ANKFN1: variants seen among roughly 807,000 people sequenced by gnomAD.
ANKFN1 encodes the protein ankyrin repeat and fibronectin type-III domain-containing protein 1.
Under a neutral mutation model 108.7 loss-of-function variants are expected in ANKFN1, and 74 were observed. The observed-to-expected ratio is 0.68, with a 90% CI of 0.56 to 0.83. The LOEUF (loss-of-function observed/expected upper bound fraction) is 0.83. Among genes scored for constraint, ANKFN1 ranks in the 40% least tolerant of loss-of-function variants. The probability of loss-of-function intolerance (pLI) is 0.00; values close to 1 mark genes in which losing one functional copy is unlikely to be tolerated. For missense variants in ANKFN1, 1,505 were observed against 1,382.3 expected (o/e 1.09, Z -1.41); for synonymous variants, 547 against 516.2 (o/e 1.06, Z -0.81).
intron 15 of ANKFN1, chr17:56,472,999 T>C (rs1344189325): frequency 6.6e-6 from 1 of 152,194 alleles, no homozygotes; most frequent in African/African-American, 2.4e-5. Flanking sequence ...AGGCCCACAA[T>C]AGGCCTTACA....
chr17:56,312,967 C>G (rs2045081881), intron 3 of ANKFN1, among the ~76,000 whole-genome samples: 1 of 151,888 alleles, frequency 6.6e-6, no homozygotes, highest in Admixed American at 6.6e-5. Context: ...CCAGCCTGGC[C>G]AAGGTGATGA....
chr17:56,437,436 G>C (rs1300657006), intron 8 of ANKFN1, among the ~76,000 whole-genome samples: 1 of 152,164 alleles, frequency 6.6e-6, no homozygotes, highest in East Asian at 1.9e-4. Context: ...CACAGCCCTT[G>C]ATTTTCAGCC....
chr17:56,440,377 A>G lies in ANKFN1; in HGVS notation c.961A>G (p.Met321Val). The G allele has an allele frequency of 1.2e-6, 2 of 1,612,966 alleles. No individual in the cohort carries two copies. The highest frequency in any genetic ancestry group is 1.7e-6 in the Non-Finnish European group (2 of 1,179,236). The stretch of plus-strand genomic sequence containing the variant: ...TTCTCCTTTGGCTGGAGAAATCATC[A>G]TGGATAATCTGCAGACTCTGAGATG... ...DFSPLAGEII[M>V]DNLQTLRCTI... The change falls in exon 9 of 21, where the codon ATG (methionine) becomes GTG (valine). Residue 321 changes from methionine to valine, a missense_variant. Coordinates refer to ENST00000682825, the MANE Select transcript of ANKFN1 (RefSeq NM_001370326.1).
At chr17:56,146,961 T>A (rs927122694) in intron 4 of ANKFN1, among the ~76,000 whole-genome samples, 3 of 152,208 alleles carry the variant, frequency 2.0e-5, no homozygotes, top group Non-Finnish European at 4.4e-5. Flanking sequence ...TCTTGAGTGC[T>A]TTGCCACTTA....
chr17:56,068,561 C>T (rs1312641848), intron 4 of ANKFN1, among the ~76,000 whole-genome samples: 1 of 152,178 alleles, frequency 6.6e-6, no homozygotes, highest in Non-Finnish European at 1.5e-5. Context: ...AGCCCCAGGG[C>T]ACACAGCAGG....
intron 4 of ANKFN1, among the ~76,000 whole-genome samples, chr17:56,093,579 C>T (rs1345820551): frequency 6.6e-6 from 1 of 151,376 alleles, no homozygotes; most frequent in Admixed American, 6.6e-5. Flanking sequence ...TTCCTCAGTT[C>T]ACTGCATGCG....
chr17:56,285,852 TGATG>T (rs1195113316), intron 3 of ANKFN1, among the ~76,000 whole-genome samples: 14 of 151,742 alleles, frequency 9.2e-5, no homozygotes, highest in Admixed American at 9.2e-4. Flanking sequence ...ATGATGATGA[TGATG>T]ATGATGATGA....
intron 1 of ANKFN1, among the ~76,000 whole-genome samples, chr17:56,161,833 C>T (rs898450108): frequency 1.3e-5 from 2 of 151,982 alleles, no homozygotes; most frequent in Admixed American, 1.3e-4. Context: ...AATGTGTCTT[C>T]CTAACTTAAA....
chr17:56,148,933 C>T (rs886901102), upstream of ANKFN1, among the ~76,000 whole-genome samples: 2 of 152,136 alleles, frequency 1.3e-5, no homozygotes, highest in Non-Finnish European at 2.9e-5. Flanking sequence ...CTCCCAACAA[C>T]CATGAAAGGT....
intron 8 of ANKFN1, among the ~76,000 whole-genome samples, chr17:56,430,500 C>CCACA (rs60148599): frequency 0.4 from 57,391 of 143,918 alleles, 13,171 homozygotes; most frequent in East Asian, 0.72. Flanking sequence ...GATGCTTTTA[C>CCACA]CACACACACA....
rs116040897 is a variant in ANKFN1, at chr17:56,195,000, T to C, written c.-70-17598T>C. 5.2e-3 allele frequency among the ~76,000 whole-genome samples: 785 copies of C among 152,366 alleles called. 7 individuals are homozygous for C. Among genetic ancestry groups the C allele is most frequent in the African/African-American group, 0.018 (757 of 41,580 alleles). ...ACTCATGTAGACAACTGAAGATGTT[T>C]CATGAACGAAAGAGGGGAGAAGAAA... On this transcript the variant is annotated intron_variant, in intron 1 of 20. Transcript: ENST00000682825.
chr17:56,309,680 A>G (rs1181784081), intron 3 of ANKFN1, among the ~76,000 whole-genome samples: 1 of 152,232 alleles, frequency 6.6e-6, no homozygotes, highest in Non-Finnish European at 1.5e-5. Flanking sequence ...CCTGGATAAT[A>G]CTGAACCCTA....
chr17:56,385,092 A>C (rs1221579598), intron 8 of ANKFN1, among the ~76,000 whole-genome samples: 1 of 151,466 alleles, frequency 6.6e-6, no homozygotes, highest in Non-Finnish European at 1.5e-5. Flanking sequence ...ACAGTAACCA[A>C]AACAGCATGG....
chr17:56,148,617 A>T (rs527971096), upstream of ANKFN1, among the ~76,000 whole-genome samples: 1 of 151,934 alleles, frequency 6.6e-6, no homozygotes, highest in South Asian at 2.1e-4. Context: ...CATAGGTATG[A>T]CACAGCTAAA....
intron 8 of ANKFN1, among the ~76,000 whole-genome samples, chr17:56,389,684 G>A (rs2047374015): frequency 6.6e-6 from 1 of 152,228 alleles, no homozygotes; most frequent in Non-Finnish European, 1.5e-5. Context: ...TTTTATGTCA[G>A]TTGGTGAAGG....
At chr17:56,283,015 G>T (rs535600477) in intron 3 of ANKFN1, among the ~76,000 whole-genome samples, 14 of 152,196 alleles carry the variant, frequency 9.2e-5, no homozygotes, top group African/African-American at 3.1e-4. Flanking sequence ...GTGCAGGTTT[G>T]CTACATAGGT....
chr17:56,433,831 A>AAT (rs112334445), intron 8 of ANKFN1, among the ~76,000 whole-genome samples: 17 of 94,458 alleles, frequency 1.8e-4, no homozygotes, highest in African/African-American at 1.6e-3. Context: ...CTATGGAAAT[A>AAT]AAAAAAAAAA....
intron 4 of ANKFN1, among the ~76,000 whole-genome samples, chr17:56,349,846 C>G (rs1356476932): frequency 6.6e-6 from 1 of 152,004 alleles, no homozygotes; most frequent in African/African-American, 2.4e-5. Flanking sequence ...AACGCTGGGC[C>G]CAGTGCATCA....
chr17:56,083,733 C>G (rs1905275728), intron 4 of ANKFN1, among the ~76,000 whole-genome samples: 1 of 151,256 alleles, frequency 6.6e-6, no homozygotes, highest in Non-Finnish European at 1.5e-5. Flanking sequence ...TGTGGGGACG[C>G]AGAGCTAAGG....
Sources: gnomAD v4.1 joint callset for allele counts (sites outside exome capture counted in the v4.1 genomes callset) on GRCh38, gnomAD v4.1.1 for gene constraint, MANE v1.5 for transcripts, NCBI Gene and HGNC (gene_info 2026-07-23, HGNC 2026-07-21) for gene names.